The following STIM1 variants were observed in gnomAD, a reference collection of about 807,000 sequenced individuals.
STIM1 encodes stromal interaction molecule 1.
In STIM1, 25 loss-of-function variants were observed where a neutral mutation model predicts 74.7. That is an observed-to-expected ratio of 0.33 (90% CI 0.24 to 0.47). STIM1 has a LOEUF of 0.47. Among genes scored for constraint, STIM1 ranks in the 20% least tolerant of loss-of-function variants. The pLI, the probability that STIM1 is intolerant of heterozygous loss-of-function variation, is 1.00. For missense variants in STIM1, 728 were observed against 920.8 expected (o/e 0.79, Z 2.71); for synonymous variants, 328 against 348.8 (o/e 0.94, Z 0.66).
intron 1 of STIM1, among the ~76,000 whole-genome samples, chr11:3,940,807 G>A (rs1002556591): frequency 3.9e-5 from 6 of 152,198 alleles, no homozygotes; most frequent in African/African-American, 1.2e-4. Flanking sequence ...AAGCAGTGGA[G>A]TAAAATTAAA....
intron 3 of STIM1, among the ~76,000 whole-genome samples, chr11:4,026,687 GAT>G (rs754794911): frequency 5.9e-5 from 9 of 152,272 alleles, no homozygotes; most frequent in Admixed American, 1.3e-4. Flanking sequence ...CTATACTTAT[GAT>G]TACAATTTTA....
chr11:3,941,669 T>TAGAGAGAGAGAGAG (rs1233313065), intron 1 of STIM1, among the ~76,000 whole-genome samples: 3 of 86,384 alleles, frequency 3.5e-5, no homozygotes, highest in East Asian at 4.5e-4. Flanking sequence ...TATATATATA[T>TAGAGAGAGAGAGAG]ATATAGAGAG....
chr11:4,035,636 T>G (rs1280494814), intron 3 of STIM1, among the ~76,000 whole-genome samples: 1 of 152,112 alleles, frequency 6.6e-6, no homozygotes, highest in South Asian at 2.1e-4. Context: ...TTGGAGATTT[T>G]TTTTAGACTT....
At chr11:4,011,196 T>C (rs2093832937) in intron 2 of STIM1, among the ~76,000 whole-genome samples, 1 of 152,246 alleles carries the variant, frequency 6.6e-6, no homozygotes, top group African/African-American at 2.4e-5. Flanking sequence ...CATGTGTCTT[T>C]ATAGTATCAT....
At chr11:3,912,973 C>T (rs1182598838) in intron 1 of STIM1, among the ~76,000 whole-genome samples, 1 of 152,172 alleles carries the variant, frequency 6.6e-6, no homozygotes, top group Non-Finnish European at 1.5e-5. Context: ...ATGGTGAGAT[C>T]TACAGCACCT....
At chr11:3,883,584 C>G (rs1187206410) in intron 1 of STIM1, among the ~76,000 whole-genome samples, 1 of 152,134 alleles carries the variant, frequency 6.6e-6, no homozygotes, top group East Asian at 1.9e-4. Flanking sequence ...AACTCCTGAC[C>G]TCAGGTGATC....
chr11:4,003,499 C>A (rs1407339051), intron 2 of STIM1, among the ~76,000 whole-genome samples: 2 of 150,950 alleles, frequency 1.3e-5, no homozygotes, highest in African/African-American at 4.9e-5. Context: ...ACATGATTAT[C>A]TCAATAGATG....
At chr11:3,960,831 A>C (rs2093277418) in intron 1 of STIM1, among the ~76,000 whole-genome samples, 1 of 152,356 alleles carries the variant, frequency 6.6e-6, no homozygotes, top group Admixed American at 6.5e-5. Flanking sequence ...AGACATTTAA[A>C]AGATTTGCAA....
chr11:4,004,568 C>G (rs1267209351), intron 2 of STIM1, among the ~76,000 whole-genome samples: 2 of 151,326 alleles, frequency 1.3e-5, no homozygotes, highest in Non-Finnish European at 2.9e-5. Context: ...TTCCTTATAC[C>G]TTATACAAAA....
At chr11:3,999,396 T>C (rs1417366544) in intron 2 of STIM1, among the ~76,000 whole-genome samples, 1 of 152,138 alleles carries the variant, frequency 6.6e-6, no homozygotes, top group African/African-American at 2.4e-5. Flanking sequence ...ATATCTGGTG[T>C]GTAAGGTGTC....
At chr11:3,867,606 G>A (rs1031507387) in intron 1 of STIM1, among the ~76,000 whole-genome samples, 20 of 152,208 alleles carry the variant, frequency 1.3e-4, no homozygotes, top group Non-Finnish European at 2.6e-4. Flanking sequence ...CTTTTTAAAT[G>A]TTATCTCTGA....
chr11:3,900,434 G>A (rs767326473), intron 1 of STIM1, among the ~76,000 whole-genome samples: 15 of 152,124 alleles, frequency 9.9e-5, no homozygotes, highest in Non-Finnish European at 1.6e-4. Context: ...ACGGTGCGCC[G>A]CACCCACTGT....
chr11:3,922,967 C>G (rs533474883), intron 1 of STIM1, among the ~76,000 whole-genome samples: 3 of 151,788 alleles, frequency 2.0e-5, no homozygotes, highest in African/African-American at 7.3e-5. Flanking sequence ...GGCATGGTAG[C>G]GGGCGCCTGT....
chr11:4,025,848 G>A (rs1453679184), intron 3 of STIM1, among the ~76,000 whole-genome samples: 1 of 152,158 alleles, frequency 6.6e-6, no homozygotes, highest in Non-Finnish European at 1.5e-5. Context: ...ATGGAGTGAG[G>A]TTTTTTGGGG....
intron 1 of STIM1, among the ~76,000 whole-genome samples, chr11:3,943,039 T>C (rs59580400): frequency 0.043 from 6,584 of 152,244 alleles, 443 homozygotes; most frequent in African/African-American, 0.14. Context: ...ATATCATTTC[T>C]TTTACCCCAA....
At chr11:3,988,774 G>A (rs746924833) in intron 2 of STIM1, among the ~76,000 whole-genome samples, 3 of 152,194 alleles carry the variant, frequency 2.0e-5, no homozygotes, top group Admixed American at 1.3e-4. Context: ...CATGGGAATA[G>A]AAGTAATTTA....
chr11:3,968,800 A>G (rs919276924), intron 2 of STIM1, among the ~76,000 whole-genome samples: 1 of 152,182 alleles, frequency 6.6e-6, no homozygotes, highest in Non-Finnish European at 1.5e-5. Flanking sequence ...TAAAGTGAAA[A>G]CCATGATACT....
At chr11:3,864,192 CT>C (rs1244233190) in intron 1 of STIM1, among the ~76,000 whole-genome samples, 5 of 152,312 alleles carry the variant, frequency 3.3e-5, no homozygotes, top group Admixed American at 6.5e-5. Context: ...GTATAACCAC[CT>C]CCCTAGCTTC....
chr11:4,073,373 G>A (rs2094417549), intron 6 of STIM1, among the ~76,000 whole-genome samples: 1 of 152,012 alleles, frequency 6.6e-6, no homozygotes, highest in South Asian at 2.1e-4. Context: ...CTCCTTTCAG[G>A]CAGAGCTGAT....
Sources: allele counts gnomAD v4.1 joint callset (sites outside exome capture counted in the v4.1 genomes callset), GRCh38; gene constraint gnomAD v4.1.1; transcripts MANE v1.5; gene names NCBI Gene and HGNC (gene_info 2026-07-23, HGNC 2026-07-21).